MYO1B: variants seen among roughly 807,000 people sequenced by gnomAD.
MYO1B encodes unconventional myosin-Ib.
MYO1B carries 72 observed loss-of-function variants against 159.7 expected under a neutral mutation model. The ratio of observed to expected loss-of-function variants is 0.45; its 90% CI spans 0.37 to 0.55. MYO1B has a LOEUF of 0.55. MYO1B is among the 20% of genes least tolerant of loss of function. MYO1B has a pLI of 0.00. For synonymous variants in MYO1B, 468 were observed against 473.8 expected (o/e 0.99, Z 0.16); for missense variants, 1,062 against 1,364.8 (o/e 0.78, Z 3.50).
At chr2:191,393,050 G>A (rs749286671) in intron 19 of MYO1B, 23 bp from the exon 20 acceptor site, 1 of 1,606,314 alleles carries the variant, frequency 6.2e-7, no homozygotes, top group Non-Finnish European at 8.5e-7. Context: ...TTTTTGATAA[G>A]TCCATCTATC....
intron 13 of MYO1B, among the ~76,000 whole-genome samples, chr2:191,378,916 T>C (rs1694879843): frequency 1.3e-5 from 2 of 152,184 alleles, no homozygotes; most frequent in Admixed American, 1.3e-4. Context: ...CTGGATGGCA[T>C]GTTTTCTTTT....
chr2:191,415,805 G>A (rs1559249908), intron 29 of MYO1B, among the ~76,000 whole-genome samples: 2 of 152,158 alleles, frequency 1.3e-5, no homozygotes, highest in Non-Finnish European at 2.9e-5. Context: ...TGGAGGTTGC[G>A]TTGTGGTTTC....
chr2:191,413,952 G>T, intron 27 of MYO1B, 96 bp from the exon 28 acceptor site: 1 of 1,237,600 alleles, frequency 8.1e-7, no homozygotes, highest in Non-Finnish European at 1.1e-6. Flanking sequence ...TTATGAAGTT[G>T]TCAGCTACTC....
chr2:191,309,060 C>T (rs548098535), intron 3 of MYO1B, among the ~76,000 whole-genome samples: 8 of 152,248 alleles, frequency 5.3e-5, no homozygotes, highest in East Asian at 1.9e-4. Flanking sequence ...TGATGCCTCC[C>T]GGATTTAGAT....
chr2:191,416,935 A>G (rs577052209), intron 30 of MYO1B, among the ~76,000 whole-genome samples: 1 of 152,350 alleles, frequency 6.6e-6, no homozygotes, highest in East Asian at 1.9e-4. Flanking sequence ...AGTTATTTGC[A>G]TACAGGTTGG....
At chr2:191,304,366 T>A (rs1689515868) in intron 3 of MYO1B, among the ~76,000 whole-genome samples, 1 of 151,972 alleles carries the variant, frequency 6.6e-6, no homozygotes, top group Non-Finnish European at 1.5e-5. Flanking sequence ...AGGTTGGGAG[T>A]TCGAGACTAG....
At chr2:191,367,850 A>G (rs1324401975) in intron 11 of MYO1B, among the ~76,000 whole-genome samples, 2 of 152,216 alleles carry the variant, frequency 1.3e-5, no homozygotes, top group Non-Finnish European at 2.9e-5. Context: ...ACATCTATAG[A>G]CTAACTGTGT....
At chr2:191,366,466 A>G (rs115800450) in intron 11 of MYO1B, among the ~76,000 whole-genome samples, 1,828 of 151,998 alleles carry the variant, frequency 0.012, 27 homozygotes, top group African/African-American at 0.041. Context: ...TGCTGTGAGA[A>G]GTGATTTGTT....
At chr2:191,375,206 A>G (rs1694620499) in intron 13 of MYO1B, among the ~76,000 whole-genome samples, 1 of 152,184 alleles carries the variant, frequency 6.6e-6, no homozygotes, top group African/African-American at 2.4e-5. Context: ...TAAGAGTATG[A>G]TAGGCTGGAT....
chr2:191,347,383 T>G (rs1692636023), intron 6 of MYO1B, among the ~76,000 whole-genome samples: 1 of 152,234 alleles, frequency 6.6e-6, no homozygotes. Flanking sequence ...CTAATCTCAT[T>G]ACATAAATAG....
At chr2:191,360,126 T>C (rs1462347249) in intron 7 of MYO1B, among the ~76,000 whole-genome samples, 1 of 152,240 alleles carries the variant, frequency 6.6e-6, no homozygotes, top group Non-Finnish European at 1.5e-5. Context: ...AACTGAGTTA[T>C]GTAAACTCCT....
chr2:191,416,111 G>C lies in MYO1B; in HGVS notation c.3160-4G>C, dbSNP rs762334576. ...TATGACCGACTCTTGGTTTGTCCTT[G>C]CAGGGCTCAGAAGCAGCTAGTAAAG... On this transcript the variant is annotated splice_region_variant and splice_polypyrimidine_tract_variant and intron_variant, in intron 29 of 30. Coordinates refer to ENST00000392318, the MANE Select transcript of MYO1B (RefSeq NM_001130158.3). 6.2e-7 allele frequency: 1 copy of C among 1,613,292 alleles called. No individual in the cohort carries two copies. Among genetic ancestry groups the C allele is most frequent in the South Asian group, 1.1e-5 (1 of 90,818 alleles).
chr2:191,323,372 T>A (rs192884810), intron 3 of MYO1B, among the ~76,000 whole-genome samples: 15 of 152,304 alleles, frequency 9.8e-5, no homozygotes, highest in Non-Finnish European at 2.2e-4. Context: ...CCAGTCCCTA[T>A]TCAAGATGGA....
rs1175140799 is a variant in MYO1B, at chr2:191,400,323, G to A, written c.2296-59G>A. ...TCATCTCTTCAGGTTTTTTTTTCAA[G>A]TCACTGTCAATTCCTTTATTTTTAA... is the stretch of plus-strand genomic sequence containing the variant. On this transcript the variant is annotated intron_variant, in intron 21 of 30. Transcript: ENST00000392318. 2.6e-6 allele frequency: 4 copies of A among 1,560,130 alleles called. No individual in the cohort carries two copies. In the African/African-American group the frequency reaches 4.1e-5, roughly 16 times the overall value.
rs745384254 is a variant in MYO1B, at chr2:191,387,528, A to G, written c.1781+78A>G. On this transcript the variant is annotated intron_variant, in intron 17 of 30. Coordinates refer to ENST00000392318, the MANE Select transcript of MYO1B (RefSeq NM_001130158.3). ...GAATATCATTTTTCCCTTTGCTTCA[A>G]TCTGAGTGTAGCCCAAGCAGAGGGT... The G allele has an allele frequency of 2.4e-6, 3 of 1,272,106 alleles. No homozygotes were observed. In the African/African-American group the frequency reaches 4.4e-5, roughly 19 times the overall value. 78.8% of individuals were successfully genotyped at this position (1,272,106 alleles called of 1,614,324 possible).
At chr2:191,256,957 A>G (rs1686490675) in intron 1 of MYO1B, among the ~76,000 whole-genome samples, 1 of 151,348 alleles carries the variant, frequency 6.6e-6, no homozygotes, top group Non-Finnish European at 1.5e-5. Context: ...TTTTTTTTTT[A>G]ATCTGTCATT....
chr2:191,369,593 T>C lies in MYO1B; in HGVS notation c.1084T>C (p.Ser362Pro), dbSNP rs1279643427. The part of the protein sequence containing the change: ...LAKNLYSRLF[S>P]WLVNRINESI... ...TAAAAACCTCTACAGCAGGTTGTTTTCATGGTTGGTAAATCGAATCAATGA... is the reference window on the plus strand; with the variant it reads ...TAAAAACCTCTACAGCAGGTTGTTTCCATGGTTGGTAAATCGAATCAATGA... The change falls in exon 12 of 31, where the codon TCA (serine) becomes CCA (proline). Residue 362 changes from serine (S) to proline (P), a missense_variant. By Grantham distance (74) the Ser-to-Pro change is moderately conservative. Coordinates refer to ENST00000392318, the MANE Select transcript of MYO1B (RefSeq NM_001130158.3). 6.2e-7 allele frequency: 1 copy of C among 1,613,646 alleles called. No individual in the cohort carries two copies. Among genetic ancestry groups the C allele is most frequent in the Non-Finnish European group, 8.5e-7 (1 of 1,179,662 alleles).
At chr2:191,397,268 T>C (rs1280296655) in intron 21 of MYO1B, among the ~76,000 whole-genome samples, 1 of 147,586 alleles carries the variant, frequency 6.8e-6, no homozygotes, top group Non-Finnish European at 1.5e-5. Flanking sequence ...CATAGGACAA[T>C]AGTGGAGGGA....
chr2:191,252,978 T>A (rs552789626), intron 1 of MYO1B, among the ~76,000 whole-genome samples: 2 of 152,228 alleles, frequency 1.3e-5, no homozygotes, highest in African/African-American at 4.8e-5. Flanking sequence ...AAGCCCTCAT[T>A]CTGGTTCAGA....
Sources: allele counts gnomAD v4.1 joint callset (sites outside exome capture counted in the v4.1 genomes callset), GRCh38; gene constraint gnomAD v4.1.1; transcripts MANE v1.5; gene names NCBI Gene and HGNC (gene_info 2026-07-23, HGNC 2026-07-21).